GALNTL6: variants seen among roughly 807,000 people sequenced by gnomAD.
GALNTL6 encodes the protein polypeptide N-acetylgalactosaminyltransferase-like 6.
A neutral mutation model predicts 73.7 loss-of-function variants in GALNTL6; 46 were observed. The ratio of observed to expected loss-of-function variants is 0.62; its 90% CI spans 0.49 to 0.80. The LOEUF (loss-of-function observed/expected upper bound fraction) is 0.80. Among genes scored for constraint, GALNTL6 ranks in the 30% least tolerant of loss-of-function variants. The pLI is 0.00. For missense variants in GALNTL6, 604 were observed against 755.0 expected (o/e 0.80, Z 2.34); for synonymous variants, 259 against 263.7 (o/e 0.98, Z 0.17).
chr4:172,988,542 A>C (rs778157238), intron 10 of GALNTL6, among the ~76,000 whole-genome samples: 6 of 152,236 alleles, frequency 3.9e-5, no homozygotes, highest in Non-Finnish European at 8.8e-5. Context: ...TTTTCATGGG[A>C]GGAATATGCC....
intron 2 of GALNTL6, among the ~76,000 whole-genome samples, chr4:172,170,630 A>C (rs549845406): frequency 3.0e-4 from 46 of 150,920 alleles, no homozygotes; most frequent in Admixed American, 2.1e-3. Context: ...CTGGTGCCTC[A>C]ACCTCCAGAA....
intron 2 of GALNTL6, among the ~76,000 whole-genome samples, chr4:171,864,714 T>G (rs990693339): frequency 1.3e-5 from 2 of 152,202 alleles, no homozygotes; most frequent in African/African-American, 4.8e-5. Flanking sequence ...GTTTCTTACC[T>G]GCAAGGTACT....
chr4:172,400,673 G>T (rs1744005175), intron 5 of GALNTL6, among the ~76,000 whole-genome samples: 1 of 152,088 alleles, frequency 6.6e-6, no homozygotes, highest in Non-Finnish European at 1.5e-5. Context: ...TCATGGAGAT[G>T]GGAGGAGAGC....
chr4:172,409,693 A>G (rs1482304167), intron 5 of GALNTL6, among the ~76,000 whole-genome samples: 1 of 152,036 alleles, frequency 6.6e-6, no homozygotes, highest in Non-Finnish European at 1.5e-5. Flanking sequence ...ATCTTTCCAT[A>G]TACATTTCCT....
intron 2 of GALNTL6, among the ~76,000 whole-genome samples, chr4:172,223,928 G>C (rs1736768861): frequency 6.6e-6 from 1 of 151,866 alleles, no homozygotes; most frequent in Admixed American, 6.6e-5. Context: ...ACATTTCCTA[G>C]GTGTCTTCAA....
chr4:171,963,546 A>G (rs1168931440), intron 2 of GALNTL6, among the ~76,000 whole-genome samples: 2 of 152,230 alleles, frequency 1.3e-5, no homozygotes, highest in African/African-American at 2.4e-5. Flanking sequence ...TGTATATACC[A>G]ATTTAACTAT....
intron 5 of GALNTL6, among the ~76,000 whole-genome samples, chr4:172,476,813 A>T (rs538685412): frequency 6.6e-6 from 1 of 152,350 alleles, no homozygotes; most frequent in South Asian, 2.1e-4. Context: ...TATTTCTTCC[A>T]ACTGTAAAAT....
At position 172,651,535 on chromosome 4, in the gene GALNTL6, ATTC is replaced by A. The variant is rs895153152; in HGVS notation, c.554-157821_554-157819del. The stretch of plus-strand genomic sequence containing the variant: ...CTCAACTAGTAAATGCATAAAAGGA[ATTC>A]TTCTACTGACTAATTGGTTAGCTAA... On this transcript the variant is annotated intron_variant, in intron 5 of 12. Transcript: ENST00000506823. Among the ~76,000 whole-genome samples, 8 of 152,358 alleles carry A rather than the reference ATTC, an allele frequency of 5.3e-5. No individual in the cohort carries two copies. The East Asian group carries it at 1.3e-3, about 26-fold the overall frequency.
intron 10 of GALNTL6, among the ~76,000 whole-genome samples, chr4:172,953,413 T>C (rs1048845421): frequency 1.2e-4 from 19 of 152,202 alleles, no homozygotes; most frequent in Non-Finnish European, 2.6e-4. Context: ...TCTCCAGCCT[T>C]TCAGAAATCA....
intron 5 of GALNTL6, among the ~76,000 whole-genome samples, chr4:172,692,850 C>T (rs767599132): frequency 3.5e-4 from 53 of 152,178 alleles, no homozygotes; most frequent in East Asian, 3.9e-4. Flanking sequence ...ACCTCTATTT[C>T]CTTCTACAAT....
chr4:172,345,928 A>G (rs1278366838), intron 4 of GALNTL6, among the ~76,000 whole-genome samples: 1 of 152,196 alleles, frequency 6.6e-6, no homozygotes, highest in Non-Finnish European at 1.5e-5. Flanking sequence ...ATCCCACCAT[A>G]CGACTATTTA....
At chr4:172,804,776 G>C (rs1269651771) in intron 5 of GALNTL6, among the ~76,000 whole-genome samples, 2 of 152,192 alleles carry the variant, frequency 1.3e-5, no homozygotes, top group Non-Finnish European at 2.9e-5. Flanking sequence ...TGAACTAACA[G>C]TGCTTCAGTC....
intron 2 of GALNTL6, among the ~76,000 whole-genome samples, chr4:171,838,938 C>G (rs192934644): frequency 3.9e-4 from 59 of 152,182 alleles, no homozygotes; most frequent in Non-Finnish European, 7.2e-4. Context: ...TGCTCTCTGC[C>G]GTCTAAAACC....
chr4:172,240,202 A>G (rs1383585432), intron 3 of GALNTL6, among the ~76,000 whole-genome samples: 1 of 143,860 alleles, frequency 7.0e-6, no homozygotes, highest in Non-Finnish European at 1.5e-5. Flanking sequence ...ACATAATTCC[A>G]TGTTTTTTGA....
At chr4:172,664,154 A>G (rs1481400628) in intron 5 of GALNTL6, among the ~76,000 whole-genome samples, 1 of 152,198 alleles carries the variant, frequency 6.6e-6, no homozygotes, top group Non-Finnish European at 1.5e-5. Context: ...ATGTTCCCGT[A>G]TTAAATTGCA....
chr4:171,871,084 A>G (rs1279898932), intron 2 of GALNTL6, among the ~76,000 whole-genome samples: 1 of 152,212 alleles, frequency 6.6e-6, no homozygotes, highest in Non-Finnish European at 1.5e-5. Flanking sequence ...ATTAATGTGT[A>G]ATAATAAAAT....
chr4:172,340,016 A>T (rs1053521194), intron 4 of GALNTL6, among the ~76,000 whole-genome samples: 1 of 152,138 alleles, frequency 6.6e-6, no homozygotes, highest in East Asian at 1.9e-4. Context: ...TCTAGCTAGG[A>T]TTGATAATCC....
intron 5 of GALNTL6, among the ~76,000 whole-genome samples, chr4:172,645,410 A>C (rs955916015): frequency 6.6e-6 from 1 of 151,954 alleles, no homozygotes; most frequent in African/African-American, 2.4e-5. Flanking sequence ...CCTTTCCACA[A>C]ATTTATCTAA....
rs566469972 is a variant in GALNTL6 at position 172,255,264 on chromosome 4, C to G, written c.247+25500C>G. Among the ~76,000 whole-genome samples, 126 of 109,708 alleles carry G rather than the reference C, an allele frequency of 1.1e-3. 1 individual carries two copies. The highest frequency in any genetic ancestry group is 1.8e-3 in the Non-Finnish European group (88 of 47,576). 72.0% of individuals were successfully genotyped at this position (109,708 alleles called of 152,430 possible). ...TCCAGTGCTTCAAATCATTAGTTAC[C>G]GCAATGTGGTTTGTAGGTTTCATTG... On this transcript the variant is annotated intron_variant, in intron 3 of 12. Coordinates refer to ENST00000506823, the MANE Select transcript of GALNTL6 (RefSeq NM_001034845.3).
Sources: allele counts gnomAD v4.1 joint callset (sites outside exome capture counted in the v4.1 genomes callset), GRCh38; gene constraint gnomAD v4.1.1; transcripts MANE v1.5; gene names NCBI Gene and HGNC (gene_info 2026-07-23, HGNC 2026-07-21).